SHD: variants seen among roughly 807,000 people sequenced by gnomAD.
The protein encoded by SHD is Src homology 2 domain containing transforming protein D.
A neutral mutation model predicts 31.2 loss-of-function variants in SHD; 29 were observed. The observed-to-expected ratio is 0.93, with a 90% CI of 0.69 to 1.27. The LOEUF (loss-of-function observed/expected upper bound fraction) is 1.27, where lower values mean the gene tolerates loss of function less well. SHD is among the 50% of genes most tolerant of loss of function. SHD has a pLI of 0.00. For missense variants in SHD, 520 were observed against 453.8 expected (o/e 1.15, Z -1.33); for synonymous variants, 208 against 187.8 (o/e 1.11, Z -0.88).
intron 1 of SHD, among the ~76,000 whole-genome samples, chr19:4,282,588 C>T (rs1233763203): frequency 2.0e-5 from 3 of 151,804 alleles, no homozygotes; most frequent in South Asian, 4.1e-4. Context: ...TGGTGGCGGG[C>T]GCCTGTAGTC....
chr19:4,281,553 T>C (rs766477519), intron 1 of SHD, among the ~76,000 whole-genome samples: 1 of 147,902 alleles, frequency 6.8e-6, no homozygotes, highest in Non-Finnish European at 1.5e-5. Flanking sequence ...AGGTCAGGAG[T>C]TCCAGACCAG....
Position 4,284,847 on chromosome 19 carries a change from C to T in SHD, c.659C>T (p.Pro220Leu). 1.9e-6 allele frequency: 3 copies of T among 1,612,990 alleles called. No individual in the cohort carries two copies. The highest frequency in any genetic ancestry group is 2.5e-6 in the Non-Finnish European group (3 of 1,179,592). ...GSAKELRRPP[P>L]RSPQPAERVD... ...GCCAAGGAGCTCCGGAGACCTCCGC[C>T]CAGAAGCCCCCAGCCTGCGGAGCGT... The change falls in exon 4 of 6, where the codon CCC (proline) becomes CTC (leucine). Residue 220 changes from proline (P) to leucine (L), a missense_variant. Coordinates refer to ENST00000543264, the MANE Select transcript of SHD (RefSeq NM_020209.4).
chr19:4,280,464 G>A, intron 1 of SHD, 104 bp downstream of exon 1: 3 of 1,304,356 alleles, frequency 2.3e-6, no homozygotes, highest in South Asian at 1.5e-5. Context: ...GGAGGGGACT[G>A]GGGCACCAGA....
At position 4,284,857 on chromosome 19, in the gene SHD, C is replaced by T; in HGVS notation, c.669C>T (p.Pro223=). Residue 223 remains proline, a synonymous_variant, in exon 4 of 6, where the codon CCC becomes CCT. Transcript: ENST00000543264. Reference sequence around the variant, plus strand: ...TCCGGAGACCTCCGCCCAGAAGCCCCCAGCCTGCGGAGCGTGTGGACCCAG... The same window carrying T: ...TCCGGAGACCTCCGCCCAGAAGCCCTCAGCCTGCGGAGCGTGTGGACCCAG... ...KELRRPPPRS[P]QPAERVDPAL... 1 of 1,612,848 alleles carries T rather than the reference C, an allele frequency of 6.2e-7. No individual in the cohort carries two copies. The highest frequency in any genetic ancestry group is 8.5e-7 in the Non-Finnish European group (1 of 1,179,580).
At position 4,290,555 on chromosome 19, in the gene SHD, C is replaced by T. The variant is rs370672959; in HGVS notation, c.945C>T (p.His315=). ...CCAGCGTGCCCGAGCTCGTCCTCCACTACAGTTCACGCCCACTGCCGGTGC... is the reference window on the plus strand; with the variant it reads ...CCAGCGTGCCCGAGCTCGTCCTCCATTACAGTTCACGCCCACTGCCGGTGC... ...PFPSVPELVL[H]YSSRPLPVQG... Residue 315 remains histidine, a synonymous_variant, in exon 6 of 6, where the codon CAC becomes CAT. Transcript: ENST00000543264. 11 of 1,613,630 alleles carry T rather than the reference C, an allele frequency of 6.8e-6. No individual in the cohort carries two copies. Among genetic ancestry groups the T allele is most frequent in the Non-Finnish European group, 9.3e-6 (11 of 1,180,028 alleles).
intron 1 of SHD, 76 bp downstream of exon 1, chr19:4,280,436 A>T (rs1199046836): frequency 1.0e-5 from 15 of 1,440,728 alleles, no homozygotes; most frequent in Non-Finnish European, 1.4e-5. Context: ...TGGAGAGCTT[A>T]TTTTATGTGT....
intron 3 of SHD, among the ~76,000 whole-genome samples, chr19:4,283,679 C>A (rs4390711): frequency 0.089 from 13,574 of 151,830 alleles, 1,417 homozygotes; most frequent in African/African-American, 0.24. Context: ...CCTGGGTTCA[C>A]GCCATTCTCC....
At chr19:4,281,407 C>T (rs1267616122) in intron 1 of SHD, among the ~76,000 whole-genome samples, 1 of 140,076 alleles carries the variant, frequency 7.1e-6, no homozygotes, top group East Asian at 2.1e-4. Context: ...CATGATTGCG[C>T]CACTGCACTC....
intron 5 of SHD, 140 bp downstream of exon 5, chr19:4,288,502 A>T: frequency 1.1e-6 from 1 of 917,782 alleles, no homozygotes; most frequent in Non-Finnish European, 1.5e-6. Flanking sequence ...GACTTCTAGG[A>T]GAAGGGGTGG....
chr19:4,286,493 T>C (rs1235203782), intron 4 of SHD, among the ~76,000 whole-genome samples: 1 of 151,960 alleles, frequency 6.6e-6, no homozygotes, highest in Non-Finnish European at 1.5e-5. Context: ...GCACGCCATA[T>C]GTGCTTATTC....
chr19:4,284,390 TG>T (rs937104118), intron 3 of SHD: 6 of 161,416 alleles, frequency 3.7e-5, no homozygotes, highest in African/African-American at 1.4e-4. Flanking sequence ...GTTTTATGAC[TG>T]GGAGGGTATT....
At chr19:4,285,981 T>G (rs1971305962) in intron 4 of SHD, among the ~76,000 whole-genome samples, 1 of 129,500 alleles carries the variant, frequency 7.7e-6, no homozygotes, top group Non-Finnish European at 1.6e-5. Context: ...AACCTCCGCC[T>G]CCCTGGTTCA....
rs1381657466 is a variant in SHD at position 4,286,452 on chromosome 19, C to T, written c.716+1548C>T. ...CCTGCACTCCTGGGATCAAGCGATC[C>T]TCCAGCCTCAGCCTCTCCATGGGAC... On this transcript the variant is annotated intron_variant, in intron 4 of 5. Transcript: ENST00000543264. 2.6e-5 allele frequency among the ~76,000 whole-genome samples: 4 copies of T among 151,734 alleles called. No individual in the cohort carries two copies. In the East Asian group the frequency reaches 5.8e-4, roughly 22 times the overall value.
At chr19:4,284,730 C>T in intron 3 of SHD, 51 bp from the exon 4 acceptor site, 4 of 1,443,160 alleles carry the variant, frequency 2.8e-6, no homozygotes, top group Admixed American at 2.3e-5. Flanking sequence ...CCTGCCCCGC[C>T]CCCCAAGGTA....
At chr19:4,287,176 C>G (rs765626580) in intron 4 of SHD, among the ~76,000 whole-genome samples, 3 of 151,422 alleles carry the variant, frequency 2.0e-5, no homozygotes, top group East Asian at 3.9e-4. Flanking sequence ...ACGAAAAATG[C>G]AAAAAATTAG....
rs774714514 is a variant in SHD at position 4,290,648 on chromosome 19, C to T, written c.*15C>T. On this transcript the variant is annotated 3_prime_UTR_variant, in exon 6 of 6. Coordinates refer to ENST00000543264, the MANE Select transcript of SHD (RefSeq NM_020209.4). Reference sequence around the variant, plus strand: ...AGACCCCCTGACAGTGACCCTCGGCCCCCTTTTGAGTCCTCGGGCCCAGAA... The same window carrying T: ...AGACCCCCTGACAGTGACCCTCGGCTCCCTTTTGAGTCCTCGGGCCCAGAA... 1 of 1,576,336 alleles carries T rather than the reference C, an allele frequency of 6.3e-7. No homozygotes were observed. Among genetic ancestry groups the T allele is most frequent in the Non-Finnish European group, 8.6e-7 (1 of 1,158,166 alleles).
intron 5 of SHD, among the ~76,000 whole-genome samples, chr19:4,288,797 A>G (rs1471838785): frequency 6.6e-6 from 1 of 151,978 alleles, no homozygotes; most frequent in Non-Finnish European, 1.5e-5. Context: ...CTAATTATAA[A>G]CCACTCCTAA....
chr19:4,286,251 C>CTT (rs1377067008), intron 4 of SHD, among the ~76,000 whole-genome samples: 1 of 114,274 alleles, frequency 8.8e-6, no homozygotes, highest in East Asian at 2.4e-4. Flanking sequence ...TTCTTTCTTT[C>CTT]TTTCTTTCTC....
In SHD at chr19:4,288,358, C is replaced by G; in HGVS notation, c.832C>G (p.Leu278Val). ...CAACCCCCAGGACTGCTCCTTGTCT[C>G]TCAGGTGAGAACTCAGCCTCACAGG... ...ETNPQDCSLSLRSSQGFLHLK... is the reference protein window; with the variant it reads ...ETNPQDCSLSVRSSQGFLHLK... Residue 278 changes from leucine (L) to valine (V), a missense_variant, in exon 5 of 6, where the codon CTC (leucine) becomes GTC (valine). Leu to Val is a conservative substitution (Grantham distance 32, BLOSUM62 1). Coordinates refer to ENST00000543264, the MANE Select transcript of SHD (RefSeq NM_020209.4). 2 of 1,612,706 alleles carry G rather than the reference C, an allele frequency of 1.2e-6. No homozygotes were observed. Among genetic ancestry groups the G allele is most frequent in the Non-Finnish European group, 1.7e-6 (2 of 1,179,382 alleles).
Sources: allele counts gnomAD v4.1 joint callset (sites outside exome capture counted in the v4.1 genomes callset), GRCh38; gene constraint gnomAD v4.1.1; transcripts MANE v1.5; gene names NCBI Gene and HGNC (gene_info 2026-07-23, HGNC 2026-07-21).